The following OBI1 variants were observed in gnomAD, a reference collection of about 807,000 sequenced individuals.
OBI1 encodes the protein ORC ubiquitin ligase 1, also known as ring finger protein 219.
OBI1 carries 59 observed loss-of-function variants against 62.4 expected under a neutral mutation model. That is an observed-to-expected ratio of 0.95 (90% CI 0.77 to 1.17). The LOEUF (loss-of-function observed/expected upper bound fraction) is 1.17. Among genes scored for constraint, OBI1 ranks in the 50% most tolerant of loss-of-function variants. The probability of loss-of-function intolerance (pLI) is 0.00; values close to 1 mark genes in which losing one functional copy is unlikely to be tolerated. For missense variants in OBI1, 875 were observed against 830.9 expected, an observed-to-expected ratio of 1.05 and a Z score of -0.65; for synonymous variants, 302 against 292.8, an observed-to-expected ratio of 1.03 and a Z score of -0.32.
rs372646609 is a variant in OBI1, at chr13:78,649,849, G to A, written c.73-4852C>T. Among the ~76,000 whole-genome samples, 8 of 152,282 alleles carry A rather than the reference G, an allele frequency of 5.3e-5. No individual in the cohort carries two copies. The East Asian group carries it at 1.5e-3, about 29-fold the overall frequency. On this transcript the variant is annotated intron_variant, in intron 1 of 5. Transcript: ENST00000282003. ...AACACAAAGGGGTTGGAAGATCTGT[G>A]GATGGAAAAATGAGGAAATTCATGT...
chr13:78,650,463 A>C (rs1024994628), intron 1 of OBI1, among the ~76,000 whole-genome samples: 1 of 152,186 alleles, frequency 6.6e-6, no homozygotes, highest in Non-Finnish European at 1.5e-5. Context: ...TCTCAATCTC[A>C]TGTGTCACAT....
intron 5 of OBI1, among the ~76,000 whole-genome samples, chr13:78,623,303 G>T (rs1357576700): frequency 6.7e-6 from 1 of 150,242 alleles, no homozygotes; most frequent in African/African-American, 2.5e-5. Context: ...TGAACTTTTG[G>T]CTGGAATTTA....
intron 2 of OBI1, among the ~76,000 whole-genome samples, 196 bp from the exon 3 acceptor site, chr13:78,642,409 A>G (rs563465114): frequency 1.1e-4 from 16 of 152,268 alleles, no homozygotes; most frequent in African/African-American, 3.9e-4. Context: ...ATAACACCAT[A>G]AGAAATACCT....
Position 78,635,212 on chromosome 13 carries a change from T to C in OBI1, c.550-14A>G, listed in dbSNP as rs750338284. On this transcript the variant is annotated splice_polypyrimidine_tract_variant and intron_variant, in intron 4 of 5. Coordinates refer to ENST00000282003, the MANE Select transcript of OBI1 (RefSeq NM_024546.4). ...TTTTTTATTTGCCTAAAATAACAAA[T>C]TGAAAATAAGTAAGCAAAAGCTACA... 8.0e-6 allele frequency: 12 copies of C among 1,495,010 alleles called. No individual in the cohort carries two copies. The highest frequency in any genetic ancestry group is 1.8e-5 in the Admixed American group (1 of 56,692). The allele number at this position is 1,495,010 out of a possible 1,614,324, so 92.6% of individuals were successfully genotyped here.
chr13:78,657,347 G>T (rs1566289599), intron 1 of OBI1, among the ~76,000 whole-genome samples: 1 of 151,414 alleles, frequency 6.6e-6, no homozygotes, highest in Non-Finnish European at 1.5e-5. Context: ...AGGGTTTTAC[G>T]AAGTAATCTG....
At chr13:78,659,019 T>C in intron 1 of OBI1, 30 bp downstream of exon 1, 3 of 1,602,402 alleles carry the variant, frequency 1.9e-6, no homozygotes, top group African/African-American at 1.3e-5. Flanking sequence ...CCAACCCCGT[T>C]TTGTAGCTGT....
rs923282308 is a variant in OBI1 at position 78,628,841 on chromosome 13, T to C, written c.638+6269A>G. On this transcript the variant is annotated intron_variant, in intron 5 of 5. Coordinates refer to ENST00000282003, the MANE Select transcript of OBI1 (RefSeq NM_024546.4). ...CGTGCTCTGTGGTTAATTTGAGGTA[T>C]AGAATCTCTGGTAAAGGCACAAAAA... 2.0e-5 allele frequency among the ~76,000 whole-genome samples: 3 copies of C among 152,164 alleles called. No homozygotes were observed. In the East Asian group the frequency reaches 5.8e-4, roughly 29 times the overall value.
chr13:78,616,077 G>C lies in OBI1; in HGVS notation c.1684C>G (p.Leu562Val). 3 of 1,614,106 alleles carry C rather than the reference G, an allele frequency of 1.9e-6. No homozygotes were observed. Among genetic ancestry groups the C allele is most frequent in the Non-Finnish European group, 2.5e-6 (3 of 1,180,010 alleles). The change falls in exon 6 of 6, where the codon CTG (leucine) becomes GTG (valine). Residue 562 changes from leucine to valine, a missense_variant. Transcript: ENST00000282003. Reference protein sequence around the residue: ...KSPCNNGFKSLDLDGLSKSSQ... With the variant: ...KSPCNNGFKSVDLDGLSKSSQ... The stretch of plus-strand genomic sequence containing the variant: ...GACTTTGATAACCCATCCAAATCCA[G>C]TGACTTAAAACCGTTATTACAAGGG...
chr13:78,647,440 G>C (rs1270500175), intron 1 of OBI1, among the ~76,000 whole-genome samples: 1 of 152,236 alleles, frequency 6.6e-6, no homozygotes, highest in Non-Finnish European at 1.5e-5. Flanking sequence ...TGAGATGTTT[G>C]GGTGGAGAGA....
chr13:78,616,276 T>C lies in OBI1; in HGVS notation c.1485A>G (p.Ile495Met), dbSNP rs2137422508. 1.2e-6 allele frequency: 2 copies of C among 1,613,918 alleles called. No individual in the cohort carries two copies. Among genetic ancestry groups the C allele is most frequent in the Non-Finnish European group, 1.7e-6 (2 of 1,179,838 alleles). ...CTGATTTCTCACTCAATTTTGAAGATATTTCTCCAACAGAATTTGCTATCG... is the reference window on the plus strand; with the variant it reads ...CTGATTTCTCACTCAATTTTGAAGACATTTCTCCAACAGAATTTGCTATCG... ...GNTIANSVGE[I>M]SSKLSEKSGL... The change falls in exon 6 of 6, where the codon ATA (isoleucine) becomes ATG (methionine). Residue 495 changes from isoleucine to methionine, a missense_variant. Ile to Met is a conservative substitution (Grantham distance 10). Transcript: ENST00000282003.
chr13:78,646,097 G>A (rs1006879354), intron 1 of OBI1, among the ~76,000 whole-genome samples: 1 of 152,174 alleles, frequency 6.6e-6, no homozygotes, highest in East Asian at 1.9e-4. Flanking sequence ...GAAGAAATTA[G>A]GTAGCTTGCT....
chr13:78,649,766 C>G (rs1453840184), intron 1 of OBI1, among the ~76,000 whole-genome samples: 3 of 152,184 alleles, frequency 2.0e-5, no homozygotes, highest in East Asian at 3.9e-4. Context: ...TTGGCACATA[C>G]AGGAGTGAGG....
intron 1 of OBI1, among the ~76,000 whole-genome samples, chr13:78,653,902 G>A (rs778553390): frequency 6.6e-6 from 1 of 151,940 alleles, no homozygotes; most frequent in Non-Finnish European, 1.5e-5. Context: ...AAATGACTAT[G>A]GTAGGGGCAC....
At position 78,615,494 on chromosome 13, in the gene OBI1, T is replaced by C; in HGVS notation, c.*86A>G. On this transcript the variant is annotated 3_prime_UTR_variant, in exon 6 of 6. Transcript: ENST00000282003. ...TAAAGATTATCAATTCCAATTTGTA[T>C]AGAACTTTTATGAGGAAAAAAGGTA... The C allele has an allele frequency of 2.1e-6, 2 of 972,830 alleles. No homozygotes were observed. Among genetic ancestry groups the C allele is most frequent in the South Asian group, 1.6e-5 (1 of 61,218 alleles). The allele number at this position is 972,830 out of a possible 1,614,324, so 60.3% of individuals were successfully genotyped here.
At chr13:78,645,894 C>T (rs1232501154) in intron 1 of OBI1, among the ~76,000 whole-genome samples, 2 of 152,200 alleles carry the variant, frequency 1.3e-5, no homozygotes, top group Non-Finnish European at 2.9e-5. Flanking sequence ...AGGTGATCTG[C>T]CCACCTCGGC....
chr13:78,659,096 T>C lies in OBI1; in HGVS notation c.25A>G (p.Thr9Ala), dbSNP rs1303006679. The C allele has an allele frequency of 1.9e-6, 3 of 1,612,496 alleles. No homozygotes were observed. The highest frequency in any genetic ancestry group is 1.3e-5 in the African/African-American group (1 of 74,822). Residue 9 changes from threonine (T) to alanine (A), a missense_variant, in exon 1 of 6, where the codon ACA becomes GCA. Physicochemically the swap from Thr to Ala is moderately conservative, Grantham distance 58 (BLOSUM62 0). Coordinates refer to ENST00000282003, the MANE Select transcript of OBI1 (RefSeq NM_024546.4). MAQTVQNV[T>A]LSLTLPITCH... ...GTGATGGGCAGAGTGAGCGACAATG[T>C]AACATTCTGCACGGTCTGAGCCATG...
At chr13:78,654,344 G>GA (rs1178472993) in intron 1 of OBI1, among the ~76,000 whole-genome samples, 1 of 152,112 alleles carries the variant, frequency 6.6e-6, no homozygotes, top group African/African-American at 2.4e-5. Context: ...GGAAAAAAGA[G>GA]AAAAATGTAG....
At chr13:78,633,925 G>C (rs1434638880) in intron 5 of OBI1, among the ~76,000 whole-genome samples, 1 of 151,826 alleles carries the variant, frequency 6.6e-6, no homozygotes, top group Non-Finnish European at 1.5e-5. Flanking sequence ...AAATTAGCCG[G>C]GCGAGGTGGC....
chr13:78,635,906 G>A (rs918424816), intron 4 of OBI1, among the ~76,000 whole-genome samples: 2 of 152,124 alleles, frequency 1.3e-5, no homozygotes, highest in Non-Finnish European at 2.9e-5. Flanking sequence ...GGGACTACAG[G>A]CATGTGCCAC....
Sources: allele counts gnomAD v4.1 joint callset (sites outside exome capture counted in the v4.1 genomes callset), GRCh38; gene constraint gnomAD v4.1.1; transcripts MANE v1.5; gene names NCBI Gene and HGNC (gene_info 2026-07-23, HGNC 2026-07-21).